FTCDNL1: variants seen among roughly 807,000 people sequenced by gnomAD.
FTCDNL1 encodes the protein formiminotransferase N-terminal subdomain-containing protein.
A neutral mutation model predicts 5.9 loss-of-function variants in FTCDNL1; 11 were observed. That is an observed-to-expected ratio of 1.87 (90% confidence interval 1.18 to 3.10). The LOEUF is 3.10. FTCDNL1 is among the 30% of genes most tolerant of loss of function. The probability of loss-of-function intolerance (pLI) is 0.00; values close to 1 mark genes in which losing one functional copy is unlikely to be tolerated. For synonymous variants in FTCDNL1, 58 were observed against 24.8 expected (o/e 2.34, Z -3.99); for missense variants, 115 against 65.5 (o/e 1.76, Z -2.61).
the FTCDNL1 span, among the ~76,000 whole-genome samples, chr2:199,737,224 AT>A: frequency 6.6e-6 from 1 of 152,160 alleles, no homozygotes; most frequent in Admixed American, 6.5e-5. Flanking sequence ...CCAGTCTATA[AT>A]TTGGGCATAA....
the FTCDNL1 span, among the ~76,000 whole-genome samples, chr2:199,710,037 C>T: frequency 6.6e-6 from 1 of 152,116 alleles, no homozygotes; most frequent in Non-Finnish European, 1.5e-5. Flanking sequence ...CCTCATGAAA[C>T]TTTTGCCATC....
At chr2:199,735,132 A>C in the FTCDNL1 span, among the ~76,000 whole-genome samples, 3 of 151,550 alleles carry the variant, frequency 2.0e-5, no homozygotes, top group African/African-American at 7.3e-5. Context: ...AAAAAAAAAA[A>C]AAACCACATT....
chr2:199,666,713 G>A, the FTCDNL1 span, among the ~76,000 whole-genome samples: 4 of 151,940 alleles, frequency 2.6e-5, no homozygotes, highest in Non-Finnish European at 5.9e-5. Context: ...TCAGGAGTTC[G>A]AGACCAGCCT....
the FTCDNL1 span, among the ~76,000 whole-genome samples, chr2:199,670,961 C>T: frequency 6.6e-6 from 1 of 152,114 alleles, no homozygotes; most frequent in East Asian, 1.9e-4. Flanking sequence ...ACCAGCTTCT[C>T]GGAAGAAGTA....
chr2:199,733,242 G>A, the FTCDNL1 span, among the ~76,000 whole-genome samples: 18 of 152,326 alleles, frequency 1.2e-4, no homozygotes, highest in East Asian at 3.3e-3. Context: ...CGTAAGGCAG[G>A]CACTGCTCAT....
intron 3 of FTCDNL1, among the ~76,000 whole-genome samples, chr2:199,833,591 C>T (rs1263396255): frequency 6.6e-6 from 1 of 152,218 alleles, no homozygotes; most frequent in Admixed American, 6.5e-5. Flanking sequence ...AAATAGCCTT[C>T]AGCATTAAGC....
intron 3 of FTCDNL1, among the ~76,000 whole-genome samples, chr2:199,778,277 G>A (rs1013390128): frequency 2.6e-5 from 4 of 152,126 alleles, no homozygotes; most frequent in South Asian, 2.1e-4. Context: ...CTGAAAGCAC[G>A]TTTGAAGGAG....
chr2:199,748,629 T>C, the FTCDNL1 span, among the ~76,000 whole-genome samples: 1 of 152,180 alleles, frequency 6.6e-6, no homozygotes, highest in Non-Finnish European at 1.5e-5. Context: ...TGTGAGACAG[T>C]CCGTTATCTA....
intron 3 of FTCDNL1, among the ~76,000 whole-genome samples, chr2:199,832,188 A>G (rs1487830374): frequency 6.6e-6 from 1 of 152,158 alleles, no homozygotes; most frequent in Non-Finnish European, 1.5e-5. Flanking sequence ...TGATATATTT[A>G]CCACTTTGTG....
At position 199,811,551 on chromosome 2, in the gene FTCDNL1, A is replaced by G. The variant is rs1288333447; in HGVS notation, c.*1154T>C. 6.6e-6 allele frequency among the ~76,000 whole-genome samples: 1 copy of G among 152,202 alleles called. No individual in the cohort carries two copies. Among genetic ancestry groups the G allele is most frequent in the Non-Finnish European group, 1.5e-5 (1 of 68,044 alleles). Reference sequence around the variant, plus strand: ...TCACCATTACGCTTTGCTGTCCCATAGCTTTGATATGCCCAGTCACATTCA... The same window carrying G: ...TCACCATTACGCTTTGCTGTCCCATGGCTTTGATATGCCCAGTCACATTCA... On this transcript the variant is annotated 3_prime_UTR_variant, in exon 5 of 5. Transcript: ENST00000420128.
At chr2:199,787,364 A>G (rs1447708134) in intron 3 of FTCDNL1, among the ~76,000 whole-genome samples, 1 of 151,932 alleles carries the variant, frequency 6.6e-6, no homozygotes, top group African/African-American at 2.4e-5. Context: ...TTGTATTTTT[A>G]GTAGAGACGG....
At chr2:199,776,176 CT>C (rs1356716158) in intron 3 of FTCDNL1, among the ~76,000 whole-genome samples, 2 of 152,092 alleles carry the variant, frequency 1.3e-5, no homozygotes, top group Non-Finnish European at 2.9e-5. Flanking sequence ...CCAGGATCTC[CT>C]TTTAAGTGGC....
intron 3 of FTCDNL1, among the ~76,000 whole-genome samples, chr2:199,834,626 A>G (rs532758528): frequency 5.3e-5 from 8 of 152,018 alleles, no homozygotes; most frequent in Non-Finnish European, 1.2e-4. Flanking sequence ...AGCCGCCAAT[A>G]CTAGTTTGAT....
chr2:199,668,499 C>T, the FTCDNL1 span, among the ~76,000 whole-genome samples: 2 of 149,504 alleles, frequency 1.3e-5, no homozygotes, highest in Non-Finnish European at 3.0e-5. Context: ...TTCAGATGAG[C>T]AGGTCTGGGA....
chr2:199,833,982 A>G (rs1702544690), intron 3 of FTCDNL1, among the ~76,000 whole-genome samples: 1 of 152,174 alleles, frequency 6.6e-6, no homozygotes, highest in Admixed American at 6.5e-5. Flanking sequence ...GCTGTCTGTT[A>G]CAGGCTGAAT....
At chr2:199,713,711 T>C in the FTCDNL1 span, among the ~76,000 whole-genome samples, 3 of 152,226 alleles carry the variant, frequency 2.0e-5, no homozygotes, top group Non-Finnish European at 2.9e-5. Flanking sequence ...TAAAGAATTT[T>C]TTTCTTGCTA....
intron 3 of FTCDNL1, among the ~76,000 whole-genome samples, chr2:199,762,374 T>C (rs1158674943): frequency 2.6e-5 from 4 of 152,158 alleles, no homozygotes; most frequent in African/African-American, 2.4e-5. Flanking sequence ...AGTGAAACTC[T>C]GTCTCAAAAA....
chr2:199,698,550 T>C, the FTCDNL1 span, among the ~76,000 whole-genome samples: 1 of 152,090 alleles, frequency 6.6e-6, no homozygotes, highest in Non-Finnish European at 1.5e-5. Flanking sequence ...AAAATTAAGG[T>C]AGAAATCAAG....
the FTCDNL1 span, among the ~76,000 whole-genome samples, chr2:199,754,828 G>A: frequency 2.6e-5 from 4 of 152,122 alleles, no homozygotes; most frequent in Non-Finnish European, 5.9e-5. Flanking sequence ...CTTAGTTGCC[G>A]TTAATTAAAA....
Sources: gnomAD v4.1 joint callset for allele counts (sites outside exome capture counted in the v4.1 genomes callset) on GRCh38, gnomAD v4.1.1 for gene constraint, MANE v1.5 for transcripts, NCBI Gene and HGNC (gene_info 2026-07-23, HGNC 2026-07-21) for gene names.